ANO4: variants seen among roughly 807,000 people sequenced by gnomAD.
ANO4 encodes the protein anoctamin-4.
A neutral mutation model predicts 141.9 loss-of-function variants in ANO4; 69 were observed. That is an observed-to-expected ratio of 0.49 (90% CI 0.40 to 0.59). The LOEUF (loss-of-function observed/expected upper bound fraction) is 0.59, where lower values mean the gene tolerates loss of function less well. Among genes scored for constraint, ANO4 ranks in the 20% least tolerant of loss-of-function variants. ANO4 has a pLI of 0.00. For synonymous variants in ANO4, 350 were observed against 394.3 expected (o/e 0.89, Z 1.33); for missense variants, 894 against 1,162.2 (o/e 0.77, Z 3.36).
rs1292896797 is a variant in ANO4 at position 100,942,461 on chromosome 12, T to G, written c.382T>G (p.Ser128Ala). 14 of 1,613,716 alleles carry G rather than the reference T, an allele frequency of 8.7e-6. No individual in the cohort carries two copies. Among genetic ancestry groups the G allele is most frequent in the Non-Finnish European group, 1.2e-5 (14 of 1,179,954 alleles). ...TGACTACATCCTTGTGTACAGAAAATCCAACCCCCAGACTGAAAAGAGAGA... is the reference window on the plus strand; with the variant it reads ...TGACTACATCCTTGTGTACAGAAAAGCCAACCCCCAGACTGAAAAGAGAGA... ...RIDYILVYRK[S>A]NPQTEKREVF... Residue 128 changes from serine (S) to alanine (A), a missense_variant, in exon 5 of 28, where the codon TCC (serine) becomes GCC (alanine). Coordinates refer to ENST00000392977, the MANE Select transcript of ANO4 (RefSeq NM_001286615.2).
At chr12:100,755,557 G>A (rs1051027775) in intron 3 of ANO4, among the ~76,000 whole-genome samples, 1 of 152,168 alleles carries the variant, frequency 6.6e-6, no homozygotes, top group Non-Finnish European at 1.5e-5. Flanking sequence ...GATTATTTAA[G>A]TCTAGGTTCT....
chr12:100,775,128 A>G (rs1010366194), intron 3 of ANO4, among the ~76,000 whole-genome samples: 1 of 152,214 alleles, frequency 6.6e-6, no homozygotes, highest in African/African-American at 2.4e-5. Context: ...TATATATAAA[A>G]ACATCTTGCT....
At chr12:100,984,335 C>T (rs574884516) in intron 7 of ANO4, among the ~76,000 whole-genome samples, 7 of 152,300 alleles carry the variant, frequency 4.6e-5, no homozygotes, top group Admixed American at 1.3e-4. Context: ...AATCCCAGCA[C>T]TTTGGGAGGC....
At chr12:101,109,138 G>C (rs1352572026) in intron 22 of ANO4, among the ~76,000 whole-genome samples, 2 of 152,144 alleles carry the variant, frequency 1.3e-5, no homozygotes, top group African/African-American at 4.8e-5. Context: ...TTGCACAATT[G>C]GGTTGGGGTT....
At chr12:100,852,482 A>C (rs2037929779) in intron 1 of ANO4, 1 of 152,220 alleles carries the variant, frequency 6.6e-6, no homozygotes, top group African/African-American at 2.4e-5. Flanking sequence ...CATGTTGACA[A>C]GATTGATGCT....
In ANO4 at chr12:101,039,990, T is replaced by C. The variant is rs745747720; in HGVS notation, c.933T>C (p.His311=). ...GAAGTAAAAACTCCATTCGAACCCA[T>C]GGAGCAGAAAACCACCGACATCTAC... ...SYRSKNSIRT[H]GAENHRHLLY... The change falls in exon 11 of 28, where the codon CAT becomes CAC. Residue 311 remains histidine, a synonymous_variant. Transcript: ENST00000392977. 3 of 1,557,544 alleles carry C rather than the reference T, an allele frequency of 1.9e-6. No individual in the cohort carries two copies. The highest frequency in any genetic ancestry group is 1.7e-4 in the Middle Eastern group (1 of 5,844).
Position 101,021,829 on chromosome 12 carries a change from C to T in ANO4, c.841+1689C>T, listed in dbSNP as rs1020866391. On this transcript the variant is annotated intron_variant, in intron 9 of 27. Transcript: ENST00000392977. ...CTTATTTTATTCATTTACATTTGTT[C>T]GAATAGAAAAGGAAGTACATAAAAT... is the stretch of plus-strand genomic sequence containing the variant. 4.0e-5 allele frequency among the ~76,000 whole-genome samples: 6 copies of T among 151,416 alleles called. No homozygotes were observed. In the East Asian group the frequency reaches 5.8e-4, roughly 15 times the overall value.
chr12:100,989,501 A>G (rs914321282), intron 8 of ANO4, among the ~76,000 whole-genome samples: 1 of 151,872 alleles, frequency 6.6e-6, no homozygotes, highest in African/African-American at 2.4e-5. Flanking sequence ...GGTATCACCA[A>G]TTTTGGATGA....
chr12:100,772,881 A>C (rs2033358680), intron 3 of ANO4, among the ~76,000 whole-genome samples: 1 of 152,182 alleles, frequency 6.6e-6, no homozygotes, highest in African/African-American at 2.4e-5. Flanking sequence ...TATATGCACT[A>C]TCCAGTTTAA....
chr12:101,075,470 T>A (rs1271624523), intron 14 of ANO4, among the ~76,000 whole-genome samples: 1 of 150,596 alleles, frequency 6.6e-6, no homozygotes, highest in East Asian at 2.0e-4. Context: ...CTAAACATGC[T>A]GATGCTTTAG....
chr12:100,819,029 A>ATG (rs1292495865), intron 1 of ANO4, among the ~76,000 whole-genome samples: 2 of 118,612 alleles, frequency 1.7e-5, no homozygotes, highest in Non-Finnish European at 3.6e-5. Context: ...ATATATATGT[A>ATG]TGTGTGTATA....
intron 8 of ANO4, among the ~76,000 whole-genome samples, chr12:100,993,625 G>A (rs879226131): frequency 2.2e-4 from 33 of 152,142 alleles, no homozygotes; most frequent in Admixed American, 2.0e-3. Flanking sequence ...TAGTCATTCA[G>A]GTACCTAGGC....
intron 1 of ANO4, among the ~76,000 whole-genome samples, chr12:100,891,122 T>C (rs2040084777): frequency 6.6e-6 from 1 of 152,178 alleles, no homozygotes; most frequent in African/African-American, 2.4e-5. Flanking sequence ...ACAGTTAAGG[T>C]TCCCACATGT....
At chr12:100,762,982 T>A (rs920594715) in intron 3 of ANO4, among the ~76,000 whole-genome samples, 1 of 152,150 alleles carries the variant, frequency 6.6e-6, no homozygotes, top group East Asian at 1.9e-4. Flanking sequence ...GATGAGATAT[T>A]GGTTTCATTT....
At chr12:101,096,723 G>A (rs2049999500) in intron 19 of ANO4, 76 bp downstream of exon 19, 2 of 1,108,682 alleles carry the variant, frequency 1.8e-6, no homozygotes, top group Non-Finnish European at 2.7e-6. Flanking sequence ...TGGGGACAGA[G>A]AAGCCCTCCC....
intron 5 of ANO4, among the ~76,000 whole-genome samples, chr12:100,955,855 A>G (rs1009579127): frequency 2.0e-5 from 3 of 152,206 alleles, no homozygotes; most frequent in African/African-American, 7.2e-5. Flanking sequence ...GGGAAACAAC[A>G]TAAACGATGG....
At chr12:100,864,014 G>A (rs890312135) in intron 1 of ANO4, among the ~76,000 whole-genome samples, 5 of 152,120 alleles carry the variant, frequency 3.3e-5, no homozygotes, top group Admixed American at 6.6e-5. Flanking sequence ...ATTCCAATCT[G>A]TTTTCCATCT....
chr12:100,964,857 T>A (rs572561546), intron 5 of ANO4, among the ~76,000 whole-genome samples: 2 of 152,296 alleles, frequency 1.3e-5, no homozygotes, highest in African/African-American at 4.8e-5. Context: ...TTACTTTCTA[T>A]TTTCTTACTC....
intron 2 of ANO4, among the ~76,000 whole-genome samples, chr12:100,913,417 A>G (rs1690319463): frequency 6.6e-6 from 1 of 152,206 alleles, no homozygotes; most frequent in South Asian, 2.1e-4. Context: ...CCTTATCCAT[A>G]GCTTTGTTTT....
Sources: gnomAD v4.1 joint callset for allele counts (sites outside exome capture counted in the v4.1 genomes callset) on GRCh38, gnomAD v4.1.1 for gene constraint, MANE v1.5 for transcripts, NCBI Gene and HGNC (gene_info 2026-07-23, HGNC 2026-07-21) for gene names.